Variants in XKR9 observed in about 807,000 individuals in gnomAD.
XKR9 encodes the protein XK related 9.
XKR9 carries 32 observed loss-of-function variants against 32.0 expected under a neutral mutation model. The observed-to-expected ratio is 1.00, with a 90% CI of 0.76 to 1.34. The LOEUF is 1.34. XKR9 is among the 40% of genes most tolerant of loss of function. The pLI is 0.00. For synonymous variants in XKR9, 168 were observed against 143.4 expected (o/e 1.17, Z -1.22); for missense variants, 546 against 429.7 (o/e 1.27, Z -2.39).
intron 2 of XKR9, among the ~76,000 whole-genome samples, chr8:70,767,679 T>C (rs1807397763): frequency 6.6e-6 from 1 of 151,984 alleles, no homozygotes. Context: ...GTTTTTGTAA[T>C]TTTAATAGAG....
At chr8:70,803,028 G>T in the XKR9 span, among the ~76,000 whole-genome samples, 1 of 152,168 alleles carries the variant, frequency 6.6e-6, no homozygotes, top group Non-Finnish European at 1.5e-5. Context: ...TTTCATCAAT[G>T]ATATCCTCAA....
At chr8:70,813,017 G>A in the XKR9 span, among the ~76,000 whole-genome samples, 3 of 152,194 alleles carry the variant, frequency 2.0e-5, no homozygotes, top group Non-Finnish European at 4.4e-5. Flanking sequence ...AAAGCTGGAG[G>A]CATCACACTA....
intron 2 of XKR9, among the ~76,000 whole-genome samples, chr8:70,787,487 C>A (rs920524527): frequency 3.3e-5 from 5 of 152,052 alleles, no homozygotes; most frequent in Non-Finnish European, 7.4e-5. Context: ...AAACCCAGGA[C>A]CTGAGGAGAG....
chr8:70,918,084 GTTC>G, the XKR9 span, among the ~76,000 whole-genome samples: 1 of 152,206 alleles, frequency 6.6e-6, no homozygotes, highest in African/African-American at 2.4e-5. Context: ...CAGTGAGAAA[GTTC>G]TTCTGCTTCA....
At chr8:70,837,733 T>G in the XKR9 span, among the ~76,000 whole-genome samples, 3 of 152,084 alleles carry the variant, frequency 2.0e-5, no homozygotes, top group Non-Finnish European at 4.4e-5. Flanking sequence ...CTCTTGGATT[T>G]CACTGGTGCT....
intron 2 of XKR9, among the ~76,000 whole-genome samples, chr8:70,755,098 G>A (rs1586884670): frequency 6.6e-6 from 1 of 152,196 alleles, no homozygotes; most frequent in East Asian, 1.9e-4. Flanking sequence ...AAGTGGCAAA[G>A]GATATGAACA....
intron 2 of XKR9, among the ~76,000 whole-genome samples, chr8:70,787,733 A>G (rs1165511227): frequency 6.6e-6 from 1 of 152,088 alleles, no homozygotes; most frequent in African/African-American, 2.4e-5. Context: ...TGTTTATTTA[A>G]GTACAGTTTG....
the XKR9 span, among the ~76,000 whole-genome samples, chr8:71,027,760 C>G: frequency 7.2e-6 from 1 of 138,626 alleles, no homozygotes; most frequent in Non-Finnish European, 1.6e-5. Flanking sequence ...GTCTTTTTCT[C>G]TCTCTTTCTT....
At chr8:71,016,576 G>T in the XKR9 span, among the ~76,000 whole-genome samples, 1 of 152,114 alleles carries the variant, frequency 6.6e-6, no homozygotes, top group Non-Finnish European at 1.5e-5. Context: ...TTTAGTGCAG[G>T]TCTGACACCA....
chr8:70,752,495 A>G (rs1456928148), intron 2 of XKR9, among the ~76,000 whole-genome samples: 1 of 152,168 alleles, frequency 6.6e-6, no homozygotes, highest in Non-Finnish European at 1.5e-5. Context: ...CTCACTTTAC[A>G]GTCCACTCTC....
the XKR9 span, among the ~76,000 whole-genome samples, chr8:71,025,670 T>C: frequency 6.6e-6 from 1 of 152,210 alleles, no homozygotes; most frequent in African/African-American, 2.4e-5. Flanking sequence ...CCCAGCTTTC[T>C]GACAATCTGT....
At chr8:70,755,704 A>T (rs1306503394) in intron 2 of XKR9, among the ~76,000 whole-genome samples, 1 of 147,022 alleles carries the variant, frequency 6.8e-6, no homozygotes, top group Non-Finnish European at 1.5e-5. Context: ...ATGGGAATTG[A>T]ATAATGAGAA....
rs1806772069 is a variant in XKR9 at position 70,734,061 on chromosome 8, T to C, written c.759T>C (p.Phe253=). The C allele has an allele frequency of 6.2e-7, 1 of 1,613,240 alleles. No individual in the cohort carries two copies. The highest frequency in any genetic ancestry group is 1.3e-5 in the African/African-American group (1 of 75,040). The change falls in exon 5 of 5, where the codon TTT becomes TTC. Residue 253 remains phenylalanine, a synonymous_variant. Transcript: ENST00000408926. ...IIWAFKNNTQ[F]CTCISMEFLY... ...GGGCATTTAAAAACAACACCCAGTT[T>C]TGTACTTGTATAAGTATGGAATTCT...
At chr8:70,926,506 A>G in the XKR9 span, among the ~76,000 whole-genome samples, 1 of 152,204 alleles carries the variant, frequency 6.6e-6, no homozygotes. Context: ...CTTCTTTTAT[A>G]AAATATTTAT....
intron 2 of XKR9, chr8:70,678,051 G>A (rs1236447510): frequency 6.6e-6 from 1 of 152,066 alleles, no homozygotes; most frequent in Non-Finnish European, 1.5e-5. Flanking sequence ...TAGTGCATTA[G>A]ACTTTTGAAC....
At chr8:70,887,836 G>A in the XKR9 span, among the ~76,000 whole-genome samples, 2 of 152,016 alleles carry the variant, frequency 1.3e-5, no homozygotes, top group African/African-American at 2.4e-5. Context: ...GAGACAATGG[G>A]GTTTTCTTAA....
the XKR9 span, among the ~76,000 whole-genome samples, chr8:70,997,325 A>C: frequency 0.061 from 9,043 of 147,720 alleles, 375 homozygotes; most frequent in Non-Finnish European, 0.085. Flanking sequence ...AAAAACCAAA[A>C]CCCCCCCGCA....
the XKR9 span, among the ~76,000 whole-genome samples, chr8:70,806,759 GGACTTCATAAAAA>G: frequency 6.6e-6 from 1 of 151,982 alleles, no homozygotes; most frequent in South Asian, 2.1e-4. Flanking sequence ...AAGAAATGAG[GGACTTCATAAAAA>G]GACAAAACCT....
chr8:70,756,702 TTAA>T (rs1807231259), intron 2 of XKR9, among the ~76,000 whole-genome samples: 1 of 152,368 alleles, frequency 6.6e-6, no homozygotes, highest in East Asian at 1.9e-4. Context: ...TTTTTGTATA[TTAA>T]TCTTGAAGTC....
Sources: gnomAD v4.1 joint callset for allele counts (sites outside exome capture counted in the v4.1 genomes callset) on GRCh38, gnomAD v4.1.1 for gene constraint, MANE v1.5 for transcripts, NCBI Gene and HGNC (gene_info 2026-07-23, HGNC 2026-07-21) for gene names.